IHO1: variants seen among roughly 807,000 people sequenced by gnomAD.
IHO1 encodes the protein interactor of HORMAD1 protein 1.
In IHO1, 13 loss-of-function variants were observed where a neutral mutation model predicts 31.0. That is an observed-to-expected ratio of 0.42 (90% CI 0.27 to 0.67). IHO1 has a LOEUF of 0.67. IHO1 is among the 30% of genes least tolerant of loss of function. IHO1 has a pLI of 0.24. For missense variants in IHO1, 599 were observed against 687.5 expected (o/e 0.87, Z 1.44); for synonymous variants, 221 against 248.4 (o/e 0.89, Z 1.04).
chr3:49,242,020 T>G lies in IHO1; in HGVS notation c.395+631T>G, dbSNP rs564084989. ...GTGCAATGGCACAATCTCGGCTCAC[T>G]GAAACATCCGCCTCCTGGGTTCAAG... On this transcript the variant is annotated intron_variant, in intron 4 of 7. Transcript: ENST00000452691. Among the ~76,000 whole-genome samples the G allele has an allele frequency of 2.0e-5, 3 of 152,206 alleles. 1 individual carries two copies. In the South Asian group the frequency reaches 6.2e-4, roughly 32 times the overall value.
rs1185865931 is a variant in IHO1 at position 49,256,984 on chromosome 3, G to A, written c.1487G>A (p.Arg496His). The change falls in exon 8 of 8, where the codon CGT (arginine) becomes CAT (histidine). Residue 496 changes from arginine (R) to histidine (H), a missense_variant. Arg to His is a conservative substitution (Grantham distance 29, BLOSUM62 0). Transcript: ENST00000452691. This position sits in a 1 kb window ranked among gnomAD's most constrained non-coding sequence, Gnocchi z 4.6. ...CCCTTCCTGGGGCAGCAGGAACCCC[G>A]TGCTCAGCCTCTGCATCTGCAGTGT... ...QSPFLGQQEP[R>H]AQPLHLQCPR... 6.2e-6 allele frequency: 10 copies of A among 1,614,134 alleles called. No homozygotes were observed. Among genetic ancestry groups the A allele is most frequent in the South Asian group, 1.1e-5 (1 of 91,076 alleles).
chr3:49,211,214 TAGCC>T (rs910994561), intron 1 of IHO1, among the ~76,000 whole-genome samples: 2 of 151,214 alleles, frequency 1.3e-5, no homozygotes, highest in African/African-American at 4.9e-5. Flanking sequence ...TTCACCCTGT[TAGCC>T]ACGATGGTCT....
chr3:49,244,924 CAA>C, intron 6 of IHO1, 191 bp downstream of exon 6: 1 of 652,922 alleles, frequency 1.5e-6, no homozygotes, highest in Non-Finnish European at 2.8e-6. Flanking sequence ...CTCTATGTGA[CAA>C]TGCTCTGGTC....
intron 1 of IHO1, among the ~76,000 whole-genome samples, chr3:49,200,940 A>G (rs181605581): frequency 3.5e-4 from 53 of 152,268 alleles, no homozygotes; most frequent in Admixed American, 2.7e-3. Flanking sequence ...GAGTTTGAGT[A>G]CATCAAGCCC....
At chr3:49,240,209 C>T (rs1303465752) in intron 3 of IHO1, among the ~76,000 whole-genome samples, 1 of 151,980 alleles carries the variant, frequency 6.6e-6, no homozygotes, top group Non-Finnish European at 1.5e-5. Context: ...CCACGCCCAG[C>T]TAATTTTTGT....
chr3:49,231,119 A>C (rs2046476896), intron 2 of IHO1, among the ~76,000 whole-genome samples: 1 of 152,196 alleles, frequency 6.6e-6, no homozygotes, highest in Admixed American at 6.5e-5. Context: ...ACAGACTCTA[A>C]CTTCTTATTT....
chr3:49,217,278 C>A (rs1312128074), intron 2 of IHO1, among the ~76,000 whole-genome samples: 1 of 151,948 alleles, frequency 6.6e-6, no homozygotes, highest in African/African-American at 2.4e-5. Context: ...GAAAATGTGG[C>A]ACATATACAC....
intron 6 of IHO1, among the ~76,000 whole-genome samples, chr3:49,252,875 C>G (rs778656940): frequency 1.5e-4 from 22 of 151,710 alleles, no homozygotes; most frequent in Non-Finnish European, 2.6e-4. Context: ...GACCCTGTCT[C>G]TACTAAAAAT....
At chr3:49,226,574 G>T (rs746756225) in intron 2 of IHO1, among the ~76,000 whole-genome samples, 67 of 152,280 alleles carry the variant, frequency 4.4e-4, no homozygotes, top group Non-Finnish European at 1.6e-4. Flanking sequence ...CAAGGTCCCA[G>T]TGGGGATCCA....
At chr3:49,202,605 T>C (rs2046083650) in intron 1 of IHO1, among the ~76,000 whole-genome samples, 1 of 151,128 alleles carries the variant, frequency 6.6e-6, no homozygotes, top group Non-Finnish European at 1.5e-5. Flanking sequence ...CTCGATCTCC[T>C]GACCTCGTGA....
rs1006626422 is a variant in IHO1, at chr3:49,245,178, A to G, written c.532+445A>G. 4 of 289,032 alleles carry G rather than the reference A, an allele frequency of 1.4e-5. No homozygotes were observed. In the South Asian group the frequency reaches 5.6e-4, roughly 40 times the overall value. 17.9% of individuals were successfully genotyped at this position (289,032 alleles called of 1,614,324 possible). A position where few individuals can be genotyped will look rare whatever the true frequency, so the allele number is the denominator to read the frequency against. On this transcript the variant is annotated intron_variant, in intron 6 of 7. Coordinates refer to ENST00000452691, the MANE Select transcript of IHO1 (RefSeq NM_001135197.2). ...TGAGAGCTGTGTTGTGAATCACAGC[A>G]TCATTCTCAATTTTTTTTTTTTTTT...
intron 1 of IHO1, among the ~76,000 whole-genome samples, chr3:49,206,430 A>T (rs2046138501): frequency 6.7e-6 from 1 of 149,264 alleles, no homozygotes; most frequent in South Asian, 2.1e-4. Flanking sequence ...GGGTTTCACC[A>T]TGTTGGCCAG....
At chr3:49,191,402 A>C in the IHO1 span, among the ~76,000 whole-genome samples, 1 of 152,226 alleles carries the variant, frequency 6.6e-6, no homozygotes, top group Admixed American at 6.5e-5. Context: ...ATGGACAAAA[A>C]CACAATCTTT....
intron 2 of IHO1, among the ~76,000 whole-genome samples, chr3:49,225,531 A>T (rs933551253): frequency 6.6e-6 from 1 of 152,102 alleles, no homozygotes; most frequent in Non-Finnish European, 1.5e-5. Flanking sequence ...TGTTCCTTCC[A>T]ATGCCCAAAC....
At chr3:49,231,446 A>G (rs1212103801) in intron 2 of IHO1, among the ~76,000 whole-genome samples, 1 of 152,220 alleles carries the variant, frequency 6.6e-6, no homozygotes, top group African/African-American at 2.4e-5. Context: ...TTCTGGCTTG[A>G]AAGGTAAAGT....
intron 1 of IHO1, among the ~76,000 whole-genome samples, chr3:49,204,537 G>T (rs148030614): frequency 1.7e-3 from 260 of 152,288 alleles, no homozygotes; most frequent in African/African-American, 6.1e-3. Flanking sequence ...TTTTGGTGAT[G>T]AGGAGCTGTA....
the IHO1 span, among the ~76,000 whole-genome samples, chr3:49,192,384 G>C: frequency 6.6e-6 from 1 of 152,172 alleles, no homozygotes; most frequent in Admixed American, 6.5e-5. Flanking sequence ...GCTACCCTTT[G>C]ACAAATTTTT....
At chr3:49,231,203 A>C (rs2046478325) in intron 2 of IHO1, among the ~76,000 whole-genome samples, 1 of 152,238 alleles carries the variant, frequency 6.6e-6, no homozygotes, top group African/African-American at 2.4e-5. Context: ...TCTTGGAAAA[A>C]TTATTGTCCC....
the IHO1 span, chr3:49,191,714 G>C: frequency 1.9e-6 from 3 of 1,593,972 alleles, no homozygotes; most frequent in Non-Finnish European, 2.6e-6. Context: ...AGAGGGCCAG[G>C]GGCCAGGATT....
Sources: allele counts gnomAD v4.1 joint callset (sites outside exome capture counted in the v4.1 genomes callset), GRCh38; gene constraint gnomAD v4.1.1; non-coding constraint Gnocchi (gnomAD v3.1); transcripts MANE v1.5; gene names NCBI Gene and HGNC (gene_info 2026-07-23, HGNC 2026-07-21).